The following RPH3A variants were observed in gnomAD, a reference collection of about 807,000 sequenced individuals.
The protein encoded by RPH3A is rabphilin-3A.
RPH3A carries 48 observed loss-of-function variants against 102.2 expected under a neutral mutation model. The observed-to-expected ratio is 0.47, with a 90% CI of 0.37 to 0.60. The LOEUF (loss-of-function observed/expected upper bound fraction) is 0.60, where lower values mean the gene tolerates loss of function less well. Among genes scored for constraint, RPH3A ranks in the 20% least tolerant of loss-of-function variants. The pLI is 0.00. For synonymous variants in RPH3A, 310 were observed against 324.3 expected (o/e 0.96, Z 0.47); for missense variants, 781 against 910.1 (o/e 0.86, Z 1.83).
intron 1 of RPH3A, among the ~76,000 whole-genome samples, chr12:112,602,743 T>A (rs1242884942): frequency 6.6e-6 from 1 of 151,762 alleles, no homozygotes; most frequent in Non-Finnish European, 1.5e-5. Flanking sequence ...TGAGTTGTGA[T>A]CACACCACTG....
chr12:112,743,922 G>A (rs1463477272), intron 1 of RPH3A, among the ~76,000 whole-genome samples: 2 of 152,184 alleles, frequency 1.3e-5, no homozygotes, highest in East Asian at 1.9e-4. Flanking sequence ...GTACACACAC[G>A]CTTTCACCCT....
intron 1 of RPH3A, among the ~76,000 whole-genome samples, chr12:112,736,299 G>C (rs2040669003): frequency 6.6e-6 from 1 of 152,172 alleles, no homozygotes; most frequent in Admixed American, 6.5e-5. Flanking sequence ...AACCACCTCT[G>C]TTTGAGAACC....
intron 1 of RPH3A, among the ~76,000 whole-genome samples, chr12:112,628,568 CAAAAAAAAAAAAAAAAAAAAAAAAAAA>C (rs771688201): frequency 3.7e-5 from 1 of 27,006 alleles, no homozygotes; most frequent in Non-Finnish European, 6.6e-5. Flanking sequence ...GTCTTTACCA[CAAAAAAAAAAAAAAAAAAAAAAAAAAA>C]AAAAAAAAAA....
chr12:112,843,896 G>T (rs1024713310), intron 4 of RPH3A, among the ~76,000 whole-genome samples: 8 of 152,162 alleles, frequency 5.3e-5, no homozygotes, highest in Non-Finnish European at 1.2e-4. Context: ...GGAAGGGTAG[G>T]TGATCTTCAT....
intron 4 of RPH3A, among the ~76,000 whole-genome samples, chr12:112,845,828 A>T (rs2042219480): frequency 6.6e-6 from 1 of 152,180 alleles, no homozygotes; most frequent in African/African-American, 2.4e-5. Flanking sequence ...ACAAGAAAAA[A>T]TTTAAAAGAT....
At chr12:112,650,107 C>T (rs1231731999) in intron 1 of RPH3A, among the ~76,000 whole-genome samples, 2 of 152,206 alleles carry the variant, frequency 1.3e-5, no homozygotes, top group African/African-American at 2.4e-5. Flanking sequence ...TGCAGATCCA[C>T]ATCCCCTCAG....
intron 1 of RPH3A, among the ~76,000 whole-genome samples, chr12:112,699,294 A>G (rs966622760): frequency 1.3e-5 from 2 of 152,220 alleles, no homozygotes; most frequent in Non-Finnish European, 2.9e-5. Context: ...TTATTTATCT[A>G]AGACAAATGA....
At chr12:112,675,958 G>C (rs559125757) in intron 1 of RPH3A, among the ~76,000 whole-genome samples, 40 of 152,266 alleles carry the variant, frequency 2.6e-4, no homozygotes, top group Non-Finnish European at 2.4e-4. Context: ...GAGGCTTGTG[G>C]GACAGAGAAA....
intron 10 of RPH3A, among the ~76,000 whole-genome samples, chr12:112,871,151 T>C (rs947026526): frequency 1.3e-5 from 2 of 152,260 alleles, no homozygotes; most frequent in Admixed American, 1.3e-4. Flanking sequence ...GTAAAGTTTC[T>C]TTTGACAATG....
chr12:112,850,769 GGGGGTGCTAACT>G (rs1333900828), intron 5 of RPH3A: 4 of 152,350 alleles, frequency 2.6e-5, no homozygotes, highest in Non-Finnish European at 5.9e-5. Flanking sequence ...AACTGAAAAT[GGGGGTGCTAACT>G]GGGGCTCCCA....
intron 5 of RPH3A, among the ~76,000 whole-genome samples, chr12:112,856,796 T>C (rs1049249310): frequency 6.6e-6 from 1 of 152,240 alleles, no homozygotes; most frequent in Admixed American, 6.5e-5. Flanking sequence ...AGTTACCATG[T>C]TCCGGGCATT....
chr12:112,833,448 T>A (rs1486075765), intron 3 of RPH3A, among the ~76,000 whole-genome samples: 2 of 144,494 alleles, frequency 1.4e-5, no homozygotes, highest in East Asian at 3.9e-4. Flanking sequence ...GCGCTTTGAA[T>A]GCTCAGTCTG....
intron 1 of RPH3A, among the ~76,000 whole-genome samples, chr12:112,667,116 C>T (rs972876019): frequency 6.6e-6 from 1 of 152,188 alleles, no homozygotes; most frequent in East Asian, 1.9e-4. Context: ...GAGTGCCTCA[C>T]CTCTTCTGCT....
At chr12:112,837,378 A>C (rs1210390845) in intron 4 of RPH3A, among the ~76,000 whole-genome samples, 1 of 152,210 alleles carries the variant, frequency 6.6e-6, no homozygotes. Flanking sequence ...TGTGAATTAC[A>C]GCCTTGCCTT....
intron 1 of RPH3A, among the ~76,000 whole-genome samples, chr12:112,589,561 G>T (rs2039461623): frequency 6.6e-6 from 1 of 151,972 alleles, no homozygotes; most frequent in African/African-American, 2.4e-5. Context: ...CAACATACAT[G>T]ACCCCTCCCC....
chr12:112,779,876 A>G (rs1319977945), intron 1 of RPH3A, among the ~76,000 whole-genome samples: 1 of 152,156 alleles, frequency 6.6e-6, no homozygotes, highest in East Asian at 1.9e-4. Flanking sequence ...TCATCATACG[A>G]AGAGAGAAAT....
chr12:112,781,701 A>G (rs934602795), intron 1 of RPH3A, among the ~76,000 whole-genome samples: 6 of 152,212 alleles, frequency 3.9e-5, no homozygotes, highest in African/African-American at 1.4e-4. Flanking sequence ...TCATTCACTC[A>G]ATCATTCGTT....
At chr12:112,746,739 C>G (rs945724414) in intron 1 of RPH3A, among the ~76,000 whole-genome samples, 1 of 152,198 alleles carries the variant, frequency 6.6e-6, no homozygotes, top group Non-Finnish European at 1.5e-5. Flanking sequence ...TGCTCTCTGT[C>G]TCTGTCTGTC....
At chr12:112,577,439 C>T (rs932292361) in intron 1 of RPH3A, among the ~76,000 whole-genome samples, 1 of 152,130 alleles carries the variant, frequency 6.6e-6, no homozygotes, top group Non-Finnish European at 1.5e-5. Context: ...TTGTAATTAG[C>T]GTATAATGAG....
Sources: allele counts gnomAD v4.1 joint callset (sites outside exome capture counted in the v4.1 genomes callset), GRCh38; gene constraint gnomAD v4.1.1; transcripts MANE v1.5; gene names NCBI Gene and HGNC (gene_info 2026-07-23, HGNC 2026-07-21).